DLG1: variants seen among roughly 807,000 people sequenced by gnomAD.
The protein encoded by DLG1 is disks large homolog 1.
DLG1 carries 42 observed loss-of-function variants against 123.4 expected under a neutral mutation model. That is an observed-to-expected ratio of 0.34 (90% CI 0.27 to 0.44). DLG1 has a LOEUF of 0.44. DLG1 is among the 20% of genes least tolerant of loss of function. The probability of loss-of-function intolerance (pLI) is 1.00; values close to 1 mark genes in which losing one functional copy is unlikely to be tolerated. For missense variants in DLG1, 942 were observed against 1,082.6 expected (o/e 0.87, Z 1.82); for synonymous variants, 317 against 356.2 (o/e 0.89, Z 1.24).
chr3:197,190,562 T>C (rs778880382), intron 5 of DLG1, among the ~76,000 whole-genome samples: 3 of 152,232 alleles, frequency 2.0e-5, no homozygotes, highest in Non-Finnish European at 4.4e-5. Context: ...GTAGCCGTAA[T>C]AGTGGTGGCA....
chr3:197,272,819 C>T (rs989741775), intron 4 of DLG1, among the ~76,000 whole-genome samples: 14 of 152,100 alleles, frequency 9.2e-5, no homozygotes, highest in Non-Finnish European at 1.9e-4. Flanking sequence ...TTTGGATGGT[C>T]CTCTGAGGAA....
intron 4 of DLG1, among the ~76,000 whole-genome samples, chr3:197,275,390 G>A (rs1259081025): frequency 3.9e-5 from 6 of 152,184 alleles, no homozygotes; most frequent in Admixed American, 2.6e-4. Context: ...CTCTCACTGC[G>A]AGGTATACAC....
intron 4 of DLG1, among the ~76,000 whole-genome samples, chr3:197,278,307 A>AG (rs1767519631): frequency 6.7e-6 from 1 of 149,100 alleles, no homozygotes; most frequent in African/African-American, 2.5e-5. Flanking sequence ...AAAAAAAAAA[A>AG]AAAAGAAATG....
chr3:197,275,923 G>A (rs1766207895), intron 4 of DLG1, among the ~76,000 whole-genome samples: 1 of 152,078 alleles, frequency 6.6e-6, no homozygotes, highest in Admixed American at 6.5e-5. Flanking sequence ...TGAGATGATG[G>A]ATATCCCAAT....
At position 197,065,269 on chromosome 3, in the gene DLG1, T is replaced by TA; in HGVS notation, c.2373+6_2373+7insT. 6.3e-7 allele frequency: 1 copy of TA among 1,597,750 alleles called. No homozygotes were observed. The highest frequency in any genetic ancestry group is 8.5e-7 in the Non-Finnish European group (1 of 1,174,072). On this transcript the variant is annotated splice_region_variant and intron_variant, in intron 22 of 24. Coordinates refer to ENST00000667157, the MANE Select transcript of DLG1 (RefSeq NM_001366207.1). ...AAGCTATATTCTGGGATTAGTCTGA[T>TA]GCTTACCTTTTCTGCTACTTCTCGT...
At chr3:197,232,982 A>C (rs1036222818) in intron 4 of DLG1, among the ~76,000 whole-genome samples, 1 of 152,200 alleles carries the variant, frequency 6.6e-6, no homozygotes, top group African/African-American at 2.4e-5. Context: ...TGTACTGGAC[A>C]TTCTAACCAG....
chr3:197,124,884 G>A (rs765004379), intron 11 of DLG1, among the ~76,000 whole-genome samples: 13 of 152,180 alleles, frequency 8.5e-5, no homozygotes, highest in African/African-American at 1.2e-4. Flanking sequence ...TAAGGAGTAT[G>A]TAAACATGTT....
intron 12 of DLG1, among the ~76,000 whole-genome samples, chr3:197,118,869 G>C (rs189894215): frequency 6.6e-6 from 1 of 152,032 alleles, no homozygotes; most frequent in Non-Finnish European, 1.5e-5. Flanking sequence ...CCAGGCAAAG[G>C]GGATCACGCC....
At chr3:197,196,741 A>G (rs554416951) in intron 4 of DLG1, among the ~76,000 whole-genome samples, 104 of 152,352 alleles carry the variant, frequency 6.8e-4, no homozygotes, top group Non-Finnish European at 1.3e-3. Context: ...ACATCTTCTA[A>G]TAGGACAAAG....
intron 18 of DLG1, chr3:197,076,021 G>T: frequency 5.7e-6 from 3 of 521,934 alleles, no homozygotes; most frequent in Non-Finnish European, 9.7e-6. Context: ...CATATTTCTA[G>T]AACTTTGAAA....
chr3:197,157,164 T>G (rs540403545), intron 5 of DLG1, among the ~76,000 whole-genome samples: 1 of 152,182 alleles, frequency 6.6e-6, no homozygotes, highest in Non-Finnish European at 1.5e-5. Flanking sequence ...AGCTGAATAG[T>G]TGAAGTTGTT....
intron 5 of DLG1, chr3:197,161,779 A>C (rs755934482): frequency 2.4e-6 from 3 of 1,249,652 alleles, no homozygotes; most frequent in Non-Finnish European, 3.4e-6. Context: ...AAAACACCAA[A>C]ATAAAAGGGA....
intron 1 of DLG1, chr3:197,298,207 C>G (rs1778454856): frequency 2.7e-5 from 8 of 295,628 alleles, no homozygotes; most frequent in Admixed American, 1.5e-4. Flanking sequence ...GCGGCTCGCG[C>G]CGAGCCCCGG....
rs779132144 is a variant in DLG1 at position 197,230,624 on chromosome 3, T to C, written c.319-36035A>G. ...TAAGCAGTGTTGTGCTTTTCTTTTT[T>C]AATTCCTAGATGATTTTGACATGTC... On this transcript the variant is annotated intron_variant, in intron 4 of 24. Coordinates refer to ENST00000667157, the MANE Select transcript of DLG1 (RefSeq NM_001366207.1). Among the ~76,000 whole-genome samples the C allele has an allele frequency of 1.6e-4, 24 of 152,336 alleles. No individual in the cohort carries two copies. The Middle Eastern group carries it at 0.01, about 65-fold the overall frequency.
chr3:197,222,835 C>T (rs1252953157), intron 4 of DLG1, among the ~76,000 whole-genome samples: 3 of 152,188 alleles, frequency 2.0e-5, no homozygotes, highest in Admixed American at 1.3e-4. Context: ...TACTTTAATG[C>T]TTTATTACAA....
At position 197,044,543 on chromosome 3, in the gene DLG1, A is replaced by G; in HGVS notation, c.*80T>C. 2.2e-6 allele frequency: 2 copies of G among 923,826 alleles called. No homozygotes were observed. The highest frequency in any genetic ancestry group is 3.4e-6 in the Non-Finnish European group (2 of 591,048). 57.2% of individuals were successfully genotyped at this position (923,826 alleles called of 1,614,324 possible). On this transcript the variant is annotated 3_prime_UTR_variant, in exon 25 of 25. Coordinates refer to ENST00000667157, the MANE Select transcript of DLG1 (RefSeq NM_001366207.1). ...CAATTCAACATGAAATCAGTACTCA[A>G]GAAAGACTCCAGAGGAAAGGGCAAA...
At chr3:197,247,015 A>G (rs775696879) in intron 4 of DLG1, among the ~76,000 whole-genome samples, 1 of 152,330 alleles carries the variant, frequency 6.6e-6, no homozygotes, top group South Asian at 2.1e-4. Flanking sequence ...GGCCCTAAGA[A>G]TTGATCAATT....
At chr3:197,282,566 T>A in intron 4 of DLG1, 113 bp downstream of exon 4, 1 of 698,678 alleles carries the variant, frequency 1.4e-6, no homozygotes. Context: ...TAAATTATAC[T>A]TCCATAACAA....
intron 5 of DLG1, among the ~76,000 whole-genome samples, chr3:197,186,465 TTTTC>T (rs1174451714): frequency 1.3e-5 from 2 of 152,210 alleles, no homozygotes; most frequent in African/African-American, 2.4e-5. Context: ...CCGTAATGTG[TTTTC>T]TTTTTCAGAG....
Sources: allele counts gnomAD v4.1 joint callset (sites outside exome capture counted in the v4.1 genomes callset), GRCh38; gene constraint gnomAD v4.1.1; transcripts MANE v1.5; gene names NCBI Gene and HGNC (gene_info 2026-07-23, HGNC 2026-07-21).